RAB37: variants seen among roughly 807,000 people sequenced by gnomAD.
The protein encoded by RAB37 is RAB37, member RAS oncogene family, also known as ras-related protein Rab-37.
RAB37 carries 29 observed loss-of-function variants against 33.1 expected under a neutral mutation model. The observed-to-expected ratio is 0.88, with a 90% CI of 0.65 to 1.20. The LOEUF (loss-of-function observed/expected upper bound fraction) is 1.20. Among genes scored for constraint, RAB37 ranks in the 50% most tolerant of loss-of-function variants. The probability of loss-of-function intolerance (pLI) is 0.00; values close to 1 mark genes in which losing one functional copy is unlikely to be tolerated. For synonymous variants in RAB37, 128 were observed against 119.5 expected, an observed-to-expected ratio of 1.07 and a Z score of -0.47; for missense variants, 299 against 301.1, an observed-to-expected ratio of 0.99 and a Z score of 0.05.
In RAB37 at chr17:74,737,320, C is replaced by T. The variant is rs770064460; in HGVS notation, c.48C>T (p.Pro16=). ...GAVATRDGEA[P]ERSPPCSPSY... ...TTGCCACCCGGGATGGCGAGGCCCC[C>T]GAGCGCTCCCCGCCCTGCAGTCCGA... Residue 16 remains proline (P), a synonymous_variant, in exon 1 of 9, where the codon CCC becomes CCT. Coordinates refer to ENST00000392613, the MANE Select transcript of RAB37 (RefSeq NM_001006638.3). 1 of 1,577,542 alleles carries T rather than the reference C, an allele frequency of 6.3e-7. No homozygotes were observed. The highest frequency in any genetic ancestry group is 1.1e-5 in the South Asian group (1 of 87,318).
In RAB37 at chr17:74,713,018, G is replaced by C. The variant is rs550513817; in HGVS notation, c.73-16238G>C. 5 of 828,440 alleles carry C rather than the reference G, an allele frequency of 6.0e-6. No homozygotes were observed. In the East Asian group the frequency reaches 1.4e-4, roughly 23 times the overall value. 51.3% of individuals were successfully genotyped at this position (828,440 alleles called of 1,614,324 possible). On this transcript the variant is annotated intron_variant, in intron 1 of 7. Transcript: ENST00000340415. ...GTGAAAGAGACTAAAAGAGGAAGGA[G>C]GTGGTTGGTTGGGCACCGTGGCTCA...
chr17:74,692,087 C>T (rs980086079), intron 1 of RAB37, among the ~76,000 whole-genome samples: 4 of 151,900 alleles, frequency 2.6e-5, no homozygotes, highest in African/African-American at 9.7e-5. Flanking sequence ...AGGATGGTCT[C>T]GATCTCCTGA....
In RAB37 at chr17:74,745,085, G is replaced by C. The variant is rs769242394; in HGVS notation, c.566+1G>C. 6.2e-7 allele frequency: 1 copy of C among 1,613,830 alleles called. No homozygotes were observed. The highest frequency in any genetic ancestry group is 8.5e-7 in the Non-Finnish European group (1 of 1,179,874). ...AGTTAGCCTTTCTGGCCATCGCCAA[G>C]TGAGAGCTGGGCAGGGAAGGGAAGT... On this transcript the variant is annotated splice_donor_variant, in intron 8 of 8. Coordinates refer to ENST00000392613, the MANE Select transcript of RAB37 (RefSeq NM_001006638.3). LOFTEE classifies it high-confidence loss of function. The surrounding 1 kb of genome is among the most constrained non-coding windows in gnomAD (Gnocchi z 4.5).
chr17:74,681,907 C>T (rs1469715239), intron 1 of RAB37, among the ~76,000 whole-genome samples: 2 of 152,234 alleles, frequency 1.3e-5, no homozygotes. Context: ...CCTGTCCTGA[C>T]CACCTTCTGC....
chr17:74,744,379 T>C lies in RAB37; in HGVS notation c.432+6T>C, dbSNP rs2034697776. 1 of 1,613,702 alleles carries C rather than the reference T, an allele frequency of 6.2e-7. No individual in the cohort carries two copies. The highest frequency in any genetic ancestry group is 8.5e-7 in the Non-Finnish European group (1 of 1,179,864). ...TCATGCTGCTAGGCAACAAGGTGAG[T>C]GGCTCCGGGGCAGGGTCAGCCCAGC... On this transcript the variant is annotated splice_donor_region_variant and intron_variant, in intron 6 of 8. Coordinates refer to ENST00000392613, the MANE Select transcript of RAB37 (RefSeq NM_001006638.3). This position sits in a 1 kb window ranked among gnomAD's most constrained non-coding sequence, Gnocchi z 4.2.
chr17:74,737,723 G>A (rs1316596291), intron 1 of RAB37, among the ~76,000 whole-genome samples: 1 of 152,180 alleles, frequency 6.6e-6, no homozygotes, highest in Non-Finnish European at 1.5e-5. Flanking sequence ...GGGACCGAAC[G>A]GAGACTCGGA....
chr17:74,703,283 T>C, intron 1 of RAB37: 2 of 640,064 alleles, frequency 3.1e-6, no homozygotes, highest in East Asian at 2.9e-5. Context: ...GGACCACTCA[T>C]GTCTCCCTGG....
intron 1 of RAB37, among the ~76,000 whole-genome samples, chr17:74,721,100 C>T (rs1440531752): frequency 6.6e-6 from 1 of 152,148 alleles, no homozygotes; most frequent in African/African-American, 2.4e-5. Context: ...CTGCCAAGAG[C>T]TTTTTATGGG....
chr17:74,677,398 T>G (rs2031857502), intron 1 of RAB37: 1 of 151,720 alleles, frequency 6.6e-6, no homozygotes, highest in East Asian at 1.9e-4. Flanking sequence ...GTGCTTCTTT[T>G]ATTTTTTTTT....
intron 2 of RAB37, 87 bp downstream of exon 2, chr17:74,740,965 G>A: frequency 1.0e-6 from 1 of 976,096 alleles, no homozygotes; most frequent in Admixed American, 1.7e-5. Context: ...TGCTCACCCT[G>A]GCTCCCAGGG....
intron 1 of RAB37, among the ~76,000 whole-genome samples, chr17:74,698,891 T>C (rs557452833): frequency 2.0e-5 from 3 of 152,328 alleles, no homozygotes; most frequent in Middle Eastern, 6.8e-3. Context: ...TTAAGAATTT[T>C]AACAAAAGAT....
At chr17:74,708,917 A>C (rs2033749442) in intron 1 of RAB37, among the ~76,000 whole-genome samples, 1 of 148,126 alleles carries the variant, frequency 6.8e-6, no homozygotes, top group African/African-American at 2.5e-5. Context: ...CTCCGTCTCA[A>C]AAAAAAAAAG....
chr17:74,679,223 A>G (rs1194125284), intron 1 of RAB37, among the ~76,000 whole-genome samples: 1 of 152,164 alleles, frequency 6.6e-6, no homozygotes, highest in African/African-American at 2.4e-5. Flanking sequence ...AAAAATCGGA[A>G]CTGTCATTTA....
In RAB37 at chr17:74,742,351, C is replaced by A; in HGVS notation, c.246+56C>A. The A allele has an allele frequency of 7.0e-7, 1 of 1,422,402 alleles. No homozygotes were observed. The highest frequency in any genetic ancestry group is 9.8e-7 in the Non-Finnish European group (1 of 1,018,336). The allele number at this position is 1,422,402 out of a possible 1,614,324, so 88.1% of individuals were successfully genotyped here. A position where few individuals can be genotyped will look rare whatever the true frequency, so the allele number is the denominator to read the frequency against. On this transcript the variant is annotated intron_variant, in intron 3 of 8. Coordinates refer to ENST00000392613, the MANE Select transcript of RAB37 (RefSeq NM_001006638.3). This position sits in a 1 kb window ranked among gnomAD's most constrained non-coding sequence, Gnocchi z 4.0. ...GGATGGAGGACCTGCCCTTCCTTCT[C>A]ACCCTGAACCACAGGAGGCCTGCAG...
rs1233068257 is a variant in RAB37 at position 74,737,376 on chromosome 17, C to T, written c.93+11C>T. ...GACCTCACGGGCAAGGTGGGTGGGC[C>T]TCTTCCGTGAGACCCCCGCCCTCCT... On this transcript the variant is annotated intron_variant, in intron 1 of 8. Transcript: ENST00000392613. The T allele has an allele frequency of 5.1e-6, 8 of 1,553,782 alleles. No individual in the cohort carries two copies. In the South Asian group the frequency reaches 7.0e-5, roughly 14 times the overall value.
intron 1 of RAB37, among the ~76,000 whole-genome samples, chr17:74,681,001 A>C (rs949771529): frequency 1.3e-5 from 2 of 152,216 alleles, no homozygotes; most frequent in Non-Finnish European, 2.9e-5. Context: ...GAGAATCCTG[A>C]GAATCAATTC....
At chr17:74,685,864 G>A (rs1399858159) in intron 1 of RAB37, among the ~76,000 whole-genome samples, 1 of 152,226 alleles carries the variant, frequency 6.6e-6, no homozygotes, top group African/African-American at 2.4e-5. Context: ...GACCCTGCGT[G>A]CAGAGCTGCT....
At chr17:74,728,309 GTGTT>G (rs1295978899) in intron 1 of RAB37, among the ~76,000 whole-genome samples, 1 of 151,572 alleles carries the variant, frequency 6.6e-6, no homozygotes, top group Non-Finnish European at 1.5e-5. Context: ...GTGTATGTGT[GTGTT>G]TGTGTGTACA....
In RAB37 at chr17:74,743,173, T is replaced by C. The variant is rs2034663352; in HGVS notation, c.291T>C (p.His97=). 6.2e-7 allele frequency: 1 copy of C among 1,613,744 alleles called. No homozygotes were observed. Among genetic ancestry groups the C allele is most frequent in the Non-Finnish European group, 8.5e-7 (1 of 1,179,774 alleles). The part of the protein sequence containing the change: ...AGQERFRSVT[H]AYYRDAQALL... Reference sequence around the variant, plus strand: ...AGGAACGGTTCCGAAGCGTCACCCATGCTTATTACAGAGATGCTCAGGGTG... The same window carrying C: ...AGGAACGGTTCCGAAGCGTCACCCACGCTTATTACAGAGATGCTCAGGGTG... The change falls in exon 4 of 9, where the codon CAT becomes CAC. Residue 97 remains histidine, a synonymous_variant. Transcript: ENST00000392613.
Sources: allele counts gnomAD v4.1 joint callset (sites outside exome capture counted in the v4.1 genomes callset), GRCh38; gene constraint gnomAD v4.1.1; non-coding constraint Gnocchi (gnomAD v3.1); transcripts MANE v1.5; gene names NCBI Gene and HGNC (gene_info 2026-07-23, HGNC 2026-07-21).